VEPH1: variants seen among roughly 807,000 people sequenced by gnomAD.
The protein encoded by VEPH1 is ventricular zone-expressed PH domain-containing protein homolog 1.
A neutral mutation model predicts 85.2 loss-of-function variants in VEPH1; 80 were observed. The ratio of observed to expected loss-of-function variants is 0.94; its 90% CI spans 0.78 to 1.13. VEPH1 has a LOEUF of 1.13. Ranked by LOEUF, VEPH1 falls within the 50% of genes most tolerant of loss-of-function variation. The probability of loss-of-function intolerance (pLI) is 0.00; values close to 1 mark genes in which losing one functional copy is unlikely to be tolerated. For missense variants in VEPH1, 955 were observed against 980.5 expected (o/e 0.97, Z 0.35); for synonymous variants, 297 against 348.0 (o/e 0.85, Z 1.63).
chr3:157,321,957 G>A (rs573501223), intron 9 of VEPH1, among the ~76,000 whole-genome samples: 2 of 152,170 alleles, frequency 1.3e-5, no homozygotes, highest in Admixed American at 6.5e-5. Flanking sequence ...ACCACTTTAT[G>A]GATAATATGG....
chr3:157,352,815 TG>T (rs1405844432), intron 9 of VEPH1, among the ~76,000 whole-genome samples: 2 of 152,224 alleles, frequency 1.3e-5, no homozygotes, highest in Non-Finnish European at 2.9e-5. Flanking sequence ...TCCAGCCCAG[TG>T]TTTTTCAAGT....
chr3:157,369,180 G>GAAGAAAAAAAAA (rs1553773036), intron 7 of VEPH1, among the ~76,000 whole-genome samples: 1 of 42,780 alleles, frequency 2.3e-5, no homozygotes, highest in East Asian at 1.4e-3. Flanking sequence ...AAAACCAAAT[G>GAAGAAAAAAAAA]AAAAAAAAAA....
chr3:157,352,986 G>C (rs957431712), intron 9 of VEPH1, among the ~76,000 whole-genome samples: 4 of 152,164 alleles, frequency 2.6e-5, no homozygotes, highest in Non-Finnish European at 5.9e-5. Flanking sequence ...CCATGGCTCT[G>C]TAATATACTC....
intron 2 of VEPH1, among the ~76,000 whole-genome samples, chr3:157,481,758 A>G (rs1282555518): frequency 6.6e-6 from 1 of 152,176 alleles, no homozygotes; most frequent in Non-Finnish European, 1.5e-5. Context: ...TAAATCTTTA[A>G]TCCACCTTGA....
intron 5 of VEPH1, among the ~76,000 whole-genome samples, chr3:157,427,575 C>G (rs1732846307): frequency 6.6e-6 from 1 of 152,216 alleles, no homozygotes; most frequent in South Asian, 2.1e-4. Flanking sequence ...CCCACCTCAG[C>G]CTCCTGAGTC....
rs575444658 is a variant in VEPH1, at chr3:157,296,056, T to C, written c.2011-9382A>G. On this transcript the variant is annotated intron_variant, in intron 11 of 13. Coordinates refer to ENST00000362010, the MANE Select transcript of VEPH1 (RefSeq NM_001167912.2). ...CTAGCTCTACATGTATGAACAGATA[T>C]ATTTAAAAAACATAACATTAAGTGC... Among the ~76,000 whole-genome samples, 46 of 152,336 alleles carry C rather than the reference T, an allele frequency of 3.0e-4. 1 individual carries two copies. The South Asian group carries it at 8.7e-3, about 29-fold the overall frequency.
chr3:157,496,070 A>G (rs771863641), intron 1 of VEPH1, among the ~76,000 whole-genome samples: 39 of 152,348 alleles, frequency 2.6e-4, no homozygotes, highest in South Asian at 1.0e-3. Flanking sequence ...CTCTATAATC[A>G]AGTAGCAATA....
chr3:157,261,571 G>A (rs1002683852), intron 13 of VEPH1, among the ~76,000 whole-genome samples: 9 of 152,158 alleles, frequency 5.9e-5, no homozygotes, highest in Non-Finnish European at 1.2e-4. Flanking sequence ...AGTATCATAA[G>A]TTGACACAAG....
At chr3:157,494,950 G>A (rs1259088663) in intron 2 of VEPH1, among the ~76,000 whole-genome samples, 1 of 152,118 alleles carries the variant, frequency 6.6e-6, no homozygotes, top group South Asian at 2.1e-4. Context: ...ATATTTTTGT[G>A]AGAATTCCAT....
chr3:157,262,386 GAT>G (rs1395886478), intron 13 of VEPH1, among the ~76,000 whole-genome samples: 1 of 151,894 alleles, frequency 6.6e-6, no homozygotes, highest in African/African-American at 2.4e-5. Flanking sequence ...TTTTTAAAAA[GAT>G]AACTAAATCA....
At chr3:157,330,089 C>T (rs996064544) in intron 9 of VEPH1, among the ~76,000 whole-genome samples, 1 of 152,280 alleles carries the variant, frequency 6.6e-6, no homozygotes. Flanking sequence ...ATGGAATCAA[C>T]TCAGAAAGCT....
intron 9 of VEPH1, among the ~76,000 whole-genome samples, chr3:157,339,211 G>T (rs1193844891): frequency 6.6e-6 from 1 of 152,200 alleles, no homozygotes; most frequent in Non-Finnish European, 1.5e-5. Context: ...GGCTCCAAGG[G>T]CTGTTTCTGT....
intron 9 of VEPH1, among the ~76,000 whole-genome samples, chr3:157,331,420 A>G (rs1313241160): frequency 6.6e-6 from 1 of 152,162 alleles, no homozygotes; most frequent in Non-Finnish European, 1.5e-5. Flanking sequence ...TGCCTATGAT[A>G]TTCTTTACTT....
chr3:157,436,277 C>CA (rs11452239), intron 4 of VEPH1, among the ~76,000 whole-genome samples: 60,447 of 147,484 alleles, frequency 0.41, 13,174 homozygotes, highest in Admixed American at 0.56. Context: ...AATTCAGTCT[C>CA]AAAAAAAAAA....
intron 11 of VEPH1, among the ~76,000 whole-genome samples, chr3:157,306,655 A>G (rs1015317031): frequency 6.6e-6 from 1 of 152,062 alleles, no homozygotes; most frequent in Non-Finnish European, 1.5e-5. Flanking sequence ...GTAAGAGTTC[A>G]TCTAGAAATA....
At chr3:157,404,364 C>T (rs1180719951) in intron 6 of VEPH1, among the ~76,000 whole-genome samples, 1 of 152,136 alleles carries the variant, frequency 6.6e-6, no homozygotes, top group African/African-American at 2.4e-5. Flanking sequence ...AGAAAACCAT[C>T]AGATGCTAAA....
At chr3:157,438,471 C>G (rs1218443811) in intron 4 of VEPH1, among the ~76,000 whole-genome samples, 1 of 152,156 alleles carries the variant, frequency 6.6e-6, no homozygotes, top group Non-Finnish European at 1.5e-5. Context: ...GAGGCTAAAG[C>G]TAATCTCCCG....
chr3:157,304,328 A>G (rs1328332597), intron 11 of VEPH1, among the ~76,000 whole-genome samples: 4 of 152,110 alleles, frequency 2.6e-5, no homozygotes, highest in Non-Finnish European at 2.9e-5. Flanking sequence ...TCAGCAGAAA[A>G]TGTAGTTTAT....
At chr3:157,379,711 A>C (rs976519294) in intron 7 of VEPH1, among the ~76,000 whole-genome samples, 4 of 152,082 alleles carry the variant, frequency 2.6e-5, no homozygotes, top group Non-Finnish European at 4.4e-5. Context: ...ATTCCAAAAA[A>C]CCCACAGAAT....
Sources: gnomAD v4.1 joint callset for allele counts (sites outside exome capture counted in the v4.1 genomes callset) on GRCh38, gnomAD v4.1.1 for gene constraint, MANE v1.5 for transcripts, NCBI Gene and HGNC (gene_info 2026-07-23, HGNC 2026-07-21) for gene names.